The following PTPRD variants were observed in gnomAD, a reference collection of about 807,000 sequenced individuals.
PTPRD encodes receptor-type tyrosine-protein phosphatase delta.
PTPRD carries 34 observed loss-of-function variants against 214.5 expected under a neutral mutation model. The ratio of observed to expected loss-of-function variants is 0.16; its 90% CI spans 0.12 to 0.21. The LOEUF is 0.21. Among genes scored for constraint, PTPRD ranks in the 10% least tolerant of loss-of-function variants. The probability of loss-of-function intolerance (pLI) is 1.00; values close to 1 mark genes in which losing one functional copy is unlikely to be tolerated. For missense variants in PTPRD, 2,545 were observed against 2,398.7 expected, an observed-to-expected ratio of 1.06 and a Z score of -1.27; for synonymous variants, 1,128 against 845.7, an observed-to-expected ratio of 1.33 and a Z score of -5.79.
intron 37 of PTPRD, among the ~76,000 whole-genome samples, chr9:8,377,987 C>A (rs908224655): frequency 6.6e-6 from 1 of 151,954 alleles, no homozygotes; most frequent in Non-Finnish European, 1.5e-5. Context: ...CAGAATTTCC[C>A]AGACAAGACA....
At chr9:9,933,127 CA>C (rs1449678546) in intron 5 of PTPRD, among the ~76,000 whole-genome samples, 1 of 152,262 alleles carries the variant, frequency 6.6e-6, no homozygotes, top group African/African-American at 2.4e-5. Flanking sequence ...AAAATCATGC[CA>C]AAATGTAAAG....
chr9:8,375,501 C>G (rs2082965583), intron 39 of PTPRD, among the ~76,000 whole-genome samples: 1 of 151,910 alleles, frequency 6.6e-6, no homozygotes, highest in African/African-American at 2.4e-5. Flanking sequence ...GATAGTCTCC[C>G]TAAAGCTTGT....
At chr9:8,648,107 C>A (rs2096732273) in intron 12 of PTPRD, among the ~76,000 whole-genome samples, 1 of 152,154 alleles carries the variant, frequency 6.6e-6, no homozygotes, top group South Asian at 2.1e-4. Flanking sequence ...TGCATGAAGA[C>A]CATAACGTGG....
intron 7 of PTPRD, among the ~76,000 whole-genome samples, chr9:9,579,356 A>G (rs965460261): frequency 3.3e-5 from 5 of 152,184 alleles, no homozygotes; most frequent in African/African-American, 4.8e-5. Flanking sequence ...AAGTAAGAAC[A>G]CTGACTAGAG....
rs2090888648 is a variant in PTPRD, at chr9:9,939,806, G to A, written c.-471-1196C>T. Among the ~76,000 whole-genome samples the A allele has an allele frequency of 2.0e-5, 3 of 152,092 alleles. No individual in the cohort carries two copies. In the South Asian group the frequency reaches 6.2e-4, roughly 32 times the overall value. ...TTTTCTATGCAGTACGATGTGAAGG[G>A]CTCAAGAAAGTCCCACCAGAATTGC... On this transcript the variant is annotated intron_variant, in intron 4 of 45. Transcript: ENST00000381196.
chr9:8,612,648 C>T (rs748821388), intron 14 of PTPRD, among the ~76,000 whole-genome samples: 1 of 152,096 alleles, frequency 6.6e-6, no homozygotes, highest in African/African-American at 2.4e-5. Context: ...AGAAGGATGG[C>T]GGTACTATTG....
At chr9:8,576,587 T>C (rs960282170) in intron 14 of PTPRD, among the ~76,000 whole-genome samples, 2 of 144,094 alleles carry the variant, frequency 1.4e-5, no homozygotes, top group Non-Finnish European at 1.5e-5. Flanking sequence ...TACATGTATA[T>C]AGATATTTAA....
chr9:8,642,814 A>C (rs1420867812), intron 12 of PTPRD, among the ~76,000 whole-genome samples: 1 of 152,138 alleles, frequency 6.6e-6, no homozygotes, highest in Non-Finnish European at 1.5e-5. Flanking sequence ...TTTTGTTATA[A>C]TTAGCTTCAT....
chr9:9,480,153 G>A lies in PTPRD; in HGVS notation c.-236-82671C>T, dbSNP rs1051154468. On this transcript the variant is annotated intron_variant, in intron 8 of 45. Coordinates refer to ENST00000381196, the MANE Select transcript of PTPRD (RefSeq NM_002839.4). ...AGAATAAGGGCATTCATATGCTTCA[G>A]GTATTAAATCCATCAGTCCAAGGGT... is the stretch of plus-strand genomic sequence containing the variant. Among the ~76,000 whole-genome samples, 8 of 152,096 alleles carry A rather than the reference G, an allele frequency of 5.3e-5. No homozygotes were observed. The South Asian group carries it at 6.2e-4, about 12-fold the overall frequency.
At chr9:9,941,092 C>T (rs1439523389) in intron 4 of PTPRD, among the ~76,000 whole-genome samples, 1 of 152,092 alleles carries the variant, frequency 6.6e-6, no homozygotes, top group Admixed American at 6.6e-5. Context: ...AAAAAAATCT[C>T]ATGTTTTCTC....
chr9:9,605,590 T>G (rs116947300), intron 7 of PTPRD, among the ~76,000 whole-genome samples: 1 of 152,252 alleles, frequency 6.6e-6, no homozygotes, highest in African/African-American at 2.4e-5. Context: ...GAGGAGCCAC[T>G]GTAGATGTAT....
chr9:10,427,048 T>C (rs1359318421), intron 2 of PTPRD, among the ~76,000 whole-genome samples: 1 of 152,068 alleles, frequency 6.6e-6, no homozygotes, highest in African/African-American at 2.4e-5. Flanking sequence ...AGAGGTATTT[T>C]GGGGGGTATT....
intron 10 of PTPRD, among the ~76,000 whole-genome samples, chr9:9,181,667 C>A (rs977065144): frequency 6.6e-6 from 1 of 151,994 alleles, no homozygotes; most frequent in Admixed American, 6.6e-5. Context: ...TACTTAATAT[C>A]AAATGGCTAA....
intron 22 of PTPRD, among the ~76,000 whole-genome samples, chr9:8,504,650 A>T (rs1210638429): frequency 6.6e-6 from 1 of 152,192 alleles, no homozygotes; most frequent in East Asian, 1.9e-4. Flanking sequence ...TTTAATGTTG[A>T]CACAGTCAGC....
At chr9:9,703,114 T>A (rs2097534218) in intron 7 of PTPRD, among the ~76,000 whole-genome samples, 1 of 152,154 alleles carries the variant, frequency 6.6e-6, no homozygotes, top group Non-Finnish European at 1.5e-5. Context: ...TCCCCTATGC[T>A]GTTCTCGCGA....
intron 3 of PTPRD, among the ~76,000 whole-genome samples, chr9:10,312,109 T>C (rs963893053): frequency 4.6e-5 from 7 of 151,960 alleles, no homozygotes; most frequent in Non-Finnish European, 8.8e-5. Context: ...TCCAGTGAGA[T>C]GGAATATAGT....
chr9:9,529,635 A>G (rs200172740), intron 8 of PTPRD, among the ~76,000 whole-genome samples: 1 of 152,078 alleles, frequency 6.6e-6, no homozygotes, highest in East Asian at 1.9e-4. Context: ...CTGTTATAGT[A>G]CCAGATTTTA....
At chr9:9,253,492 C>A (rs1334201363) in intron 9 of PTPRD, among the ~76,000 whole-genome samples, 3 of 126,318 alleles carry the variant, frequency 2.4e-5, no homozygotes, top group African/African-American at 7.6e-5. Flanking sequence ...AGCTTGACTG[C>A]ACTTGTTTTT....
intron 10 of PTPRD, among the ~76,000 whole-genome samples, chr9:9,123,929 A>C (rs1592011351): frequency 6.6e-6 from 1 of 152,144 alleles, no homozygotes; most frequent in East Asian, 1.9e-4. Context: ...GAGAATATCT[A>C]AGCTAAAGCA....
Sources: gnomAD v4.1 joint callset for allele counts (sites outside exome capture counted in the v4.1 genomes callset) on GRCh38, gnomAD v4.1.1 for gene constraint, MANE v1.5 for transcripts, NCBI Gene and HGNC (gene_info 2026-07-23, HGNC 2026-07-21) for gene names.